FBXW7: variants seen among roughly 807,000 people sequenced by gnomAD.
FBXW7 encodes F-box/WD repeat-containing protein 7.
Under a neutral mutation model 86.3 loss-of-function variants are expected in FBXW7, and 11 were observed. That is an observed-to-expected ratio of 0.13 (90% CI 0.08 to 0.21). The LOEUF (loss-of-function observed/expected upper bound fraction) is 0.21, where lower values mean the gene tolerates loss of function less well. FBXW7 is among the 10% of genes least tolerant of loss of function. The pLI, the probability that FBXW7 is intolerant of heterozygous loss-of-function variation, is 1.00. For missense variants in FBXW7, 488 were observed against 847.4 expected, an observed-to-expected ratio of 0.58 and a Z score of 5.27; for synonymous variants, 313 against 297.9, an observed-to-expected ratio of 1.05 and a Z score of -0.52.
chr4:152,501,225 T>C (rs935901763), intron 2 of FBXW7, among the ~76,000 whole-genome samples: 1 of 152,214 alleles, frequency 6.6e-6, no homozygotes, highest in Non-Finnish European at 1.5e-5. Context: ...AAGGACCATC[T>C]CTAGTGACTA....
chr4:152,462,559 T>C (rs980874637), intron 2 of FBXW7, among the ~76,000 whole-genome samples: 8 of 152,200 alleles, frequency 5.3e-5, no homozygotes, highest in African/African-American at 1.9e-4. Flanking sequence ...CCGTAACTTC[T>C]TTCCTATGCC....
rs1439319610 is a variant in FBXW7 at position 152,519,101 on chromosome 4, A to G, written c.-120+15840T>C. ...ATCACGAGGTCAGGAGATCGAGACCATCCTGGCTAACACGGTGAAACCCCG... is the reference window on the plus strand; with the variant it reads ...ATCACGAGGTCAGGAGATCGAGACCGTCCTGGCTAACACGGTGAAACCCCG... On this transcript the variant is annotated intron_variant, in intron 2 of 13. Transcript: ENST00000281708. Among the ~76,000 whole-genome samples the G allele has an allele frequency of 2.0e-5, 3 of 152,154 alleles. No homozygotes were observed. The East Asian group carries it at 5.8e-4, about 29-fold the overall frequency.
At chr4:152,410,830 T>G (rs766888487) in intron 4 of FBXW7, among the ~76,000 whole-genome samples, 2 of 152,224 alleles carry the variant, frequency 1.3e-5, no homozygotes, top group Non-Finnish European at 2.9e-5. Flanking sequence ...ATATTCATTA[T>G]TTCTAATTCT....
chr4:152,457,575 C>T (rs1190000054), intron 2 of FBXW7, among the ~76,000 whole-genome samples: 3 of 138,572 alleles, frequency 2.2e-5, no homozygotes, highest in Non-Finnish European at 4.5e-5. Flanking sequence ...ACCCAGGAGG[C>T]GGAGCTTGCA....
At chr4:152,508,661 A>G (rs1272228106) in intron 2 of FBXW7, among the ~76,000 whole-genome samples, 1 of 151,858 alleles carries the variant, frequency 6.6e-6, no homozygotes, top group South Asian at 2.1e-4. Context: ...CTGCAAAAAA[A>G]AAAAAGAAAA....
chr4:152,491,508 T>C (rs1745855356), intron 2 of FBXW7, among the ~76,000 whole-genome samples: 1 of 152,044 alleles, frequency 6.6e-6, no homozygotes, highest in Admixed American at 6.6e-5. Context: ...GAAAAGGCTT[T>C]CCCCCATGGA....
intron 2 of FBXW7, among the ~76,000 whole-genome samples, chr4:152,510,778 G>A (rs750553397): frequency 4.0e-4 from 61 of 152,280 alleles, no homozygotes; most frequent in Non-Finnish European, 4.7e-4. Context: ...CTAACCTCAC[G>A]ACATCCTTCG....
chr4:152,415,227 T>C (rs1367066984), intron 2 of FBXW7, among the ~76,000 whole-genome samples: 1 of 152,080 alleles, frequency 6.6e-6, no homozygotes, highest in African/African-American at 2.4e-5. Context: ...GAAATCATAG[T>C]AGACACTGAG....
At chr4:152,373,527 C>T (rs527580699) in intron 4 of FBXW7, among the ~76,000 whole-genome samples, 5 of 151,962 alleles carry the variant, frequency 3.3e-5, no homozygotes, top group South Asian at 4.2e-4. Flanking sequence ...AATAAATTGA[C>T]GGCAAGATGT....
chr4:152,337,996 T>C, intron 6 of FBXW7, 60 bp from the exon 7 acceptor site: 1 of 1,531,268 alleles, frequency 6.5e-7, no homozygotes, highest in Non-Finnish European at 8.8e-7. Flanking sequence ...TACAGGCTTA[T>C]AAAGGAAAAC....
chr4:152,466,921 G>A (rs1020568119), intron 2 of FBXW7, among the ~76,000 whole-genome samples: 17 of 152,104 alleles, frequency 1.1e-4, no homozygotes, highest in African/African-American at 1.9e-4. Flanking sequence ...TGGCCTGAGC[G>A]AAAGAGCGAG....
chr4:152,505,843 G>A (rs1030048561), intron 2 of FBXW7, among the ~76,000 whole-genome samples: 1 of 151,458 alleles, frequency 6.6e-6, no homozygotes, highest in South Asian at 2.1e-4. Flanking sequence ...CCAGGTTCAA[G>A]CAATTCTCGT....
At chr4:152,463,287 T>C (rs1743123483) in intron 2 of FBXW7, among the ~76,000 whole-genome samples, 1 of 150,734 alleles carries the variant, frequency 6.6e-6, no homozygotes, top group African/African-American at 2.4e-5. Flanking sequence ...AGACTTTCTG[T>C]CTCAAAAAAA....
chr4:152,350,705 T>C (rs1731727551), intron 4 of FBXW7, among the ~76,000 whole-genome samples: 1 of 151,682 alleles, frequency 6.6e-6, no homozygotes, highest in Non-Finnish European at 1.5e-5. Context: ...AGTAAATCAA[T>C]AATAAGAGAA....
At chr4:152,324,869 T>C (rs1728871510) in intron 12 of FBXW7, 1 of 153,720 alleles carries the variant, frequency 6.5e-6, no homozygotes, top group Admixed American at 6.4e-5. Context: ...AAAAGTAAGT[T>C]CCATTAAAAA....
chr4:152,326,299 G>A, intron 11 of FBXW7, 68 bp from the exon 12 acceptor site: 1 of 1,146,872 alleles, frequency 8.7e-7, no homozygotes, highest in Non-Finnish European at 1.2e-6. Context: ...TTAATAATAT[G>A]AGAAAACATG....
At chr4:152,392,828 T>C (rs768712174) in intron 4 of FBXW7, among the ~76,000 whole-genome samples, 1 of 152,180 alleles carries the variant, frequency 6.6e-6, no homozygotes, top group Non-Finnish European at 1.5e-5. Context: ...GGCAAAATTT[T>C]GGGTGACAAT....
At chr4:152,399,683 A>G (rs1433853680) in intron 4 of FBXW7, among the ~76,000 whole-genome samples, 2 of 152,210 alleles carry the variant, frequency 1.3e-5, no homozygotes, top group African/African-American at 4.8e-5. Context: ...GAAATCTGAA[A>G]TGACAAATAC....
intron 2 of FBXW7, among the ~76,000 whole-genome samples, chr4:152,524,180 T>TATTATCA (rs1485358051): frequency 6.6e-6 from 1 of 152,328 alleles, no homozygotes; most frequent in East Asian, 1.9e-4. Context: ...CAGGTACTAT[T>TATTATCA]ATTATCATCC....
Sources: allele counts gnomAD v4.1 joint callset (sites outside exome capture counted in the v4.1 genomes callset), GRCh38; gene constraint gnomAD v4.1.1; transcripts MANE v1.5; gene names NCBI Gene and HGNC (gene_info 2026-07-23, HGNC 2026-07-21).